The following FTO variants were observed in gnomAD, a reference collection of about 807,000 sequenced individuals.
FTO encodes the protein alpha-ketoglutarate-dependent dioxygenase FTO.
Under a neutral mutation model 63.9 loss-of-function variants are expected in FTO, and 47 were observed. The ratio of observed to expected loss-of-function variants is 0.74; its 90% CI spans 0.58 to 0.94. The LOEUF (loss-of-function observed/expected upper bound fraction) is 0.94. Among genes scored for constraint, FTO ranks in the 40% least tolerant of loss-of-function variants. FTO has a pLI of 0.00. For synonymous variants in FTO, 207 were observed against 224.4 expected (o/e 0.92, Z 0.69); for missense variants, 562 against 618.1 (o/e 0.91, Z 0.96).
intron 8 of FTO, chr16:54,052,730 T>A (rs924173256): frequency 6.6e-6 from 1 of 152,222 alleles, no homozygotes; most frequent in Admixed American, 6.5e-5. Context: ...GACTTTTTTT[T>A]TTTGAGACAG....
intron 1 of FTO, among the ~76,000 whole-genome samples, chr16:53,721,372 A>C (rs1008179739): frequency 2.6e-5 from 4 of 152,224 alleles, no homozygotes; most frequent in Non-Finnish European, 5.9e-5. Flanking sequence ...AACAAATTAT[A>C]AAATTGATAA....
intron 1 of FTO, among the ~76,000 whole-genome samples, chr16:53,708,631 T>C (rs2075688723): frequency 6.6e-6 from 1 of 152,230 alleles, no homozygotes; most frequent in South Asian, 2.1e-4. Context: ...CATTTTACAT[T>C]TCCCATCAGC....
Position 54,024,872 on chromosome 16 carries a change from G to T in FTO, c.1365-86890G>T, listed in dbSNP as rs547260397. On this transcript the variant is annotated intron_variant, in intron 8 of 8. Transcript: ENST00000471389. ...TTCTATTTAAGCTGCAGTTTTTAGA[G>T]TAAATGTTTTAATAGTCCATTGAAG... Among the ~76,000 whole-genome samples the T allele has an allele frequency of 7.2e-5, 11 of 152,228 alleles. No homozygotes were observed. The South Asian group carries it at 2.3e-3, about 32-fold the overall frequency.
chr16:53,960,273 C>T (rs1429851729), intron 8 of FTO, among the ~76,000 whole-genome samples: 1 of 152,166 alleles, frequency 6.6e-6, no homozygotes, highest in Non-Finnish European at 1.5e-5. Context: ...GTATTTTGTA[C>T]ACAGCCACAT....
chr16:53,911,462 A>T (rs777553242), intron 7 of FTO: 1 of 703,126 alleles, frequency 1.4e-6, no homozygotes, highest in East Asian at 2.7e-5. Flanking sequence ...TGCATTCATC[A>T]TGGGAAGAAT....
At chr16:53,761,524 A>G (rs1266594937) in intron 1 of FTO, among the ~76,000 whole-genome samples, 1 of 152,254 alleles carries the variant, frequency 6.6e-6, no homozygotes, top group African/African-American at 2.4e-5. Flanking sequence ...TTTGTATGTC[A>G]GAGTTTCTTT....
At chr16:53,764,444 A>T (rs1244364253) in intron 1 of FTO, among the ~76,000 whole-genome samples, 7 of 149,388 alleles carry the variant, frequency 4.7e-5, no homozygotes, top group African/African-American at 1.7e-4. Context: ...ATCCTGGCTA[A>T]CATGGTGAAA....
intron 1 of FTO, among the ~76,000 whole-genome samples, chr16:53,779,729 T>C (rs913707677): frequency 6.6e-6 from 1 of 152,242 alleles, no homozygotes; most frequent in Non-Finnish European, 1.5e-5. Context: ...ATTATATCCA[T>C]TAATTTATAG....
chr16:53,726,852 A>G (rs2076164851), intron 1 of FTO, among the ~76,000 whole-genome samples: 1 of 152,154 alleles, frequency 6.6e-6, no homozygotes, highest in Admixed American at 6.5e-5. Context: ...ATGTTGGTGA[A>G]TGACAGGCAT....
intron 8 of FTO, chr16:53,937,206 C>T (rs1208944156): frequency 2.5e-6 from 1 of 398,584 alleles, no homozygotes; most frequent in African/African-American, 2.1e-5. Context: ...ATAAACAACC[C>T]TCTCCAAATA....
At chr16:53,725,819 C>T (rs2076139749) in intron 1 of FTO, among the ~76,000 whole-genome samples, 1 of 152,042 alleles carries the variant, frequency 6.6e-6, no homozygotes. Context: ...AAATCATTTT[C>T]AAGTTCAAAC....
intron 7 of FTO, chr16:53,911,481 A>G (rs1179458052): frequency 1.3e-5 from 9 of 702,958 alleles, no homozygotes; most frequent in Non-Finnish European, 2.3e-5. Context: ...ATTTCAGTAG[A>G]ATGGTAAGGA....
intron 8 of FTO, among the ~76,000 whole-genome samples, chr16:53,940,490 T>A (rs1337307374): frequency 2.6e-5 from 4 of 152,208 alleles, no homozygotes; most frequent in Non-Finnish European, 5.9e-5. Context: ...CTTATTTTTT[T>A]CTAGAGATTA....
intron 1 of FTO, among the ~76,000 whole-genome samples, chr16:53,752,330 G>A (rs1396543910): frequency 6.6e-6 from 1 of 152,068 alleles, no homozygotes; most frequent in East Asian, 1.9e-4. Flanking sequence ...GCCTATTGCA[G>A]GGTTGCACTT....
rs774050560 is a variant in FTO, at chr16:53,826,329, G to A, written c.589G>A (p.Ala197Thr). 2.5e-6 allele frequency: 4 copies of A among 1,614,094 alleles called. No homozygotes were observed. Among genetic ancestry groups the A allele is most frequent in the African/African-American group, 2.7e-5 (2 of 74,934 alleles). ...GQDEVDIKSRAAYNVTLLNFM... is the reference protein window; with the variant it reads ...GQDEVDIKSRTAYNVTLLNFM... ...AGATGAAGTGGACATTAAGAGCAGA[G>A]CAGCATACAACGTAACTTTGCTGAA... is the stretch of plus-strand genomic sequence containing the variant. The change falls in exon 3 of 9, where the codon GCA becomes ACA. Residue 197 changes from alanine to threonine, a missense_variant. By Grantham distance (58) the Ala-to-Thr change is moderately conservative. Coordinates refer to ENST00000471389, the MANE Select transcript of FTO (RefSeq NM_001080432.3).
intron 8 of FTO, among the ~76,000 whole-genome samples, chr16:54,048,167 A>T (rs1316311137): frequency 1.4e-5 from 2 of 147,958 alleles, no homozygotes; most frequent in East Asian, 3.9e-4. Flanking sequence ...CAACAAGACA[A>T]GGTCTAATAA....
chr16:53,737,749 A>T (rs1361479202), intron 1 of FTO, among the ~76,000 whole-genome samples: 1 of 152,054 alleles, frequency 6.6e-6, no homozygotes, highest in African/African-American at 2.4e-5. Flanking sequence ...TAACTTTATG[A>T]CGAGAGAGTA....
chr16:53,713,136 A>G (rs112610556), intron 1 of FTO, among the ~76,000 whole-genome samples: 2 of 152,264 alleles, frequency 1.3e-5, no homozygotes, highest in African/African-American at 4.8e-5. Flanking sequence ...AGTAATGGAA[A>G]ATGGTTAAGT....
intron 8 of FTO, among the ~76,000 whole-genome samples, chr16:54,083,258 G>C (rs1279481440): frequency 1.3e-5 from 2 of 152,126 alleles, no homozygotes; most frequent in African/African-American, 4.8e-5. Context: ...CTTGAAAGCA[G>C]CCCATTATCT....
Sources: gnomAD v4.1 joint callset for allele counts (sites outside exome capture counted in the v4.1 genomes callset) on GRCh38, gnomAD v4.1.1 for gene constraint, MANE v1.5 for transcripts, NCBI Gene and HGNC (gene_info 2026-07-23, HGNC 2026-07-21) for gene names.